The following SRPK2 variants were observed in gnomAD, a reference collection of about 807,000 sequenced individuals.
SRPK2 encodes the protein SRSF protein kinase 2.
A neutral mutation model predicts 90.8 loss-of-function variants in SRPK2; 21 were observed. The observed-to-expected ratio is 0.23, with a 90% CI of 0.16 to 0.33. The LOEUF (loss-of-function observed/expected upper bound fraction) is 0.33, where lower values mean the gene tolerates loss of function less well. Ranked by LOEUF, SRPK2 falls within the 10% of genes least tolerant of loss-of-function variation. The pLI, the probability that SRPK2 is intolerant of heterozygous loss-of-function variation, is 1.00. For missense variants in SRPK2, 620 were observed against 869.0 expected (o/e 0.71, Z 3.60); for synonymous variants, 288 against 311.1 (o/e 0.93, Z 0.78).
rs1188690882 is a variant in SRPK2 at position 105,331,323 on chromosome 7, A to AAAC, written c.71+57324_71+57325insGTT. 5.3e-5 allele frequency among the ~76,000 whole-genome samples: 7 copies of AAAC among 131,734 alleles called. No homozygotes were observed. In the East Asian group the frequency reaches 9.3e-4, roughly 18 times the overall value. 86.4% of individuals were successfully genotyped at this position (131,734 alleles called of 152,430 possible). Reference sequence around the variant, plus strand: ...GACTCCGTCTCAAAAAAAAAAAAAAAAAAAAAAAAAAAAACAAATAGTTAT... The same window carrying AAAC: ...GACTCCGTCTCAAAAAAAAAAAAAAAAACAAAAAAAAAAAAAACAAATAGTTAT... On this transcript the variant is annotated intron_variant, in intron 2 of 15. Transcript: ENST00000393651.
At chr7:105,347,388 T>C (rs773239381) in intron 2 of SRPK2, among the ~76,000 whole-genome samples, 15 of 151,874 alleles carry the variant, frequency 9.9e-5, no homozygotes, top group Non-Finnish European at 5.9e-5. Flanking sequence ...GAGACAGGTC[T>C]CACTAGCCCA....
intron 2 of SRPK2, among the ~76,000 whole-genome samples, chr7:105,347,614 G>T (rs1816621384): frequency 6.6e-6 from 1 of 152,050 alleles, no homozygotes; most frequent in African/African-American, 2.4e-5. Context: ...AGCACTTTGG[G>T]AGACTGAGGC....
At chr7:105,374,205 G>C (rs971933515) in intron 2 of SRPK2, among the ~76,000 whole-genome samples, 5 of 151,934 alleles carry the variant, frequency 3.3e-5, no homozygotes, top group Non-Finnish European at 5.9e-5. Flanking sequence ...GGGATTACAG[G>C]CATGAGCCAC....
upstream of SRPK2, among the ~76,000 whole-genome samples, chr7:105,394,212 G>A (rs1390136656): frequency 2.0e-5 from 3 of 148,720 alleles, no homozygotes; most frequent in Non-Finnish European, 4.4e-5. Flanking sequence ...GCATGATTTC[G>A]GCTCACCGCA....
upstream of SRPK2, among the ~76,000 whole-genome samples, chr7:105,389,590 C>T (rs1449763759): frequency 1.8e-4 from 28 of 152,174 alleles, no homozygotes. Context: ...CTTCCGTAAA[C>T]ACCAGGTGTA....
At chr7:105,257,461 T>C (rs915848154) in intron 2 of SRPK2, among the ~76,000 whole-genome samples, 1 of 152,228 alleles carries the variant, frequency 6.6e-6, no homozygotes, top group African/African-American at 2.4e-5. Context: ...AGGTGATACT[T>C]GAAACCTGGT....
intron 2 of SRPK2, among the ~76,000 whole-genome samples, chr7:105,370,936 A>C (rs1819624122): frequency 6.6e-6 from 1 of 152,042 alleles, no homozygotes; most frequent in South Asian, 2.1e-4. Flanking sequence ...TTTTAAACTT[A>C]CTAGCAAAGC....
At chr7:105,366,971 C>T (rs915701992) in intron 2 of SRPK2, among the ~76,000 whole-genome samples, 1 of 152,166 alleles carries the variant, frequency 6.6e-6, no homozygotes, top group Non-Finnish European at 1.5e-5. Flanking sequence ...TCACTAGTGT[C>T]ACTCCGTGAG....
intron 15 of SRPK2, among the ~76,000 whole-genome samples, chr7:105,118,938 A>G (rs908812840): frequency 3.9e-5 from 6 of 152,140 alleles, no homozygotes; most frequent in African/African-American, 7.2e-5. Context: ...AAAAGGCAAT[A>G]AACTGTCAAA....
chr7:105,213,863 T>C (rs1427116747), intron 2 of SRPK2, among the ~76,000 whole-genome samples: 1 of 152,176 alleles, frequency 6.6e-6, no homozygotes, highest in Admixed American at 6.5e-5. Flanking sequence ...TGTACCACTT[T>C]ACACAAGCCT....
chr7:105,161,258 T>C (rs1256365188), intron 6 of SRPK2, among the ~76,000 whole-genome samples: 3 of 152,224 alleles, frequency 2.0e-5, no homozygotes, highest in Non-Finnish European at 2.9e-5. Context: ...CTAGATTACT[T>C]ATAATACCTA....
chr7:105,120,341 A>C (rs966368194), intron 15 of SRPK2, among the ~76,000 whole-genome samples: 2 of 152,226 alleles, frequency 1.3e-5, no homozygotes, highest in Non-Finnish European at 2.9e-5. Context: ...TCCATCAACA[A>C]GGCATCTTTT....
intron 2 of SRPK2, among the ~76,000 whole-genome samples, chr7:105,259,504 G>T (rs180712607): frequency 5.9e-5 from 9 of 152,108 alleles, no homozygotes; most frequent in Admixed American, 3.3e-4. Context: ...AGCTACCAAT[G>T]ACTTTCTTCA....
chr7:105,251,896 G>C (rs559892385), intron 2 of SRPK2, among the ~76,000 whole-genome samples: 2 of 152,144 alleles, frequency 1.3e-5, no homozygotes, highest in Non-Finnish European at 2.9e-5. Context: ...TGGCTTGAGG[G>C]GGAAGAAGGA....
At chr7:105,224,533 C>T (rs963219644) in intron 2 of SRPK2, among the ~76,000 whole-genome samples, 1 of 152,112 alleles carries the variant, frequency 6.6e-6, no homozygotes, top group Admixed American at 6.6e-5. Context: ...CACTTGAACT[C>T]AGGAGGTGGA....
At chr7:105,263,954 A>C (rs963105312) in intron 2 of SRPK2, among the ~76,000 whole-genome samples, 6 of 152,258 alleles carry the variant, frequency 3.9e-5, no homozygotes, top group African/African-American at 1.2e-4. Flanking sequence ...GGAGAGAAAG[A>C]AAGCCAACAG....
chr7:105,330,099 T>G lies in SRPK2; in HGVS notation c.71+58549A>C, dbSNP rs183638070. On this transcript the variant is annotated intron_variant, in intron 2 of 15. Transcript: ENST00000393651. ...GGCTCACACCTGTAATCCCAGCACT[T>G]TGGGAGGCCACGGGAGGATCACAAG... is the stretch of plus-strand genomic sequence containing the variant. Among the ~76,000 whole-genome samples the G allele has an allele frequency of 1.6e-3, 244 of 151,608 alleles. 1 individual carries two copies. The highest frequency in any genetic ancestry group is 3.8e-3 in the Admixed American group (58 of 15,214).
chr7:105,377,997 T>C (rs541147074), intron 2 of SRPK2, among the ~76,000 whole-genome samples: 12 of 152,074 alleles, frequency 7.9e-5, no homozygotes, highest in Non-Finnish European at 1.6e-4. Context: ...GGAATCTTTC[T>C]AAAAACCTGA....
At chr7:105,229,463 CAA>C (rs35192630) in intron 2 of SRPK2, among the ~76,000 whole-genome samples, 4 of 142,474 alleles carry the variant, frequency 2.8e-5, no homozygotes, top group East Asian at 2.0e-4. Flanking sequence ...GACTCCGTCT[CAA>C]AAAAAAAAAG....
Sources: allele counts gnomAD v4.1 joint callset (sites outside exome capture counted in the v4.1 genomes callset), GRCh38; gene constraint gnomAD v4.1.1; transcripts MANE v1.5; gene names NCBI Gene and HGNC (gene_info 2026-07-23, HGNC 2026-07-21).